MDM2: variants seen among roughly 807,000 people sequenced by gnomAD.
MDM2 encodes E3 ubiquitin-protein ligase Mdm2.
In MDM2, 11 loss-of-function variants were observed where a neutral mutation model predicts 64.3. The observed-to-expected ratio is 0.17, with a 90% CI of 0.11 to 0.28. The LOEUF (loss-of-function observed/expected upper bound fraction) is 0.28, where lower values mean the gene tolerates loss of function less well. MDM2 is among the 10% of genes least tolerant of loss of function. MDM2 has a pLI of 1.00. For synonymous variants in MDM2, 194 were observed against 192.9 expected, an observed-to-expected ratio of 1.01 and a Z score of -0.05; for missense variants, 388 against 577.1, an observed-to-expected ratio of 0.67 and a Z score of 3.36.
intron 7 of MDM2, among the ~76,000 whole-genome samples, chr12:68,825,760 C>G (rs1053077850): frequency 1.3e-5 from 2 of 152,136 alleles, no homozygotes; most frequent in Non-Finnish European, 2.9e-5. Flanking sequence ...TAACTAAGAC[C>G]GTATGATTCA....
chr12:68,836,058 GA>G, intron 9 of MDM2, 74 bp downstream of exon 9: 1 of 1,254,186 alleles, frequency 8.0e-7, no homozygotes. Context: ...CTTTGAGATT[GA>G]AATAATATTA....
chr12:68,819,257 C>T (rs1881650449), intron 4 of MDM2, among the ~76,000 whole-genome samples: 1 of 152,112 alleles, frequency 6.6e-6, no homozygotes, highest in African/African-American at 2.4e-5. Context: ...GTGACAAACA[C>T]TCTCTTAAAT....
chr12:68,813,481 G>A, intron 2 of MDM2, 73 bp from the exon 3 acceptor site: 1 of 974,194 alleles, frequency 1.0e-6, no homozygotes, highest in South Asian at 1.4e-5. Flanking sequence ...GAACTTGATG[G>A]ATATGTTTGC....
chr12:68,821,858 GT>G (rs1211295657), intron 5 of MDM2, among the ~76,000 whole-genome samples: 7 of 151,972 alleles, frequency 4.6e-5, no homozygotes, highest in Non-Finnish European at 8.8e-5. Flanking sequence ...TTACTTGTGG[GT>G]TTTTTTGTTT....
intron 5 of MDM2, among the ~76,000 whole-genome samples, chr12:68,822,482 T>C (rs1047205092): frequency 6.6e-6 from 1 of 152,080 alleles, no homozygotes; most frequent in African/African-American, 2.4e-5. Context: ...TACATATGTA[T>C]ACCTGTTGTT....
chr12:68,826,884 G>A (rs3730591), intron 7 of MDM2, among the ~76,000 whole-genome samples: 13,839 of 151,360 alleles, frequency 0.091, 2,113 homozygotes, highest in African/African-American at 0.32. Flanking sequence ...TCGATAAAAC[G>A]TAAAAATCCC....
Position 68,839,932 on chromosome 12 carries a change from C to G in MDM2, c.*83C>G. On this transcript the variant is annotated 3_prime_UTR_variant, in exon 11 of 11. Coordinates refer to ENST00000258149, the MANE Select transcript of MDM2 (RefSeq NM_002392.6). ...CAACCTGAAATTTATTCACATATAT[C>G]AAAGTGAGAAAATGCCTCAATTCAC... 7.9e-7 allele frequency: 1 copy of G among 1,259,920 alleles called. No homozygotes were observed. Among genetic ancestry groups the G allele is most frequent in the East Asian group, 2.5e-5 (1 of 39,724 alleles). 78.0% of individuals were successfully genotyped at this position (1,259,920 alleles called of 1,614,324 possible).
Position 68,839,873 on chromosome 12 carries a change from T to C in MDM2, c.*24T>C, listed in dbSNP as rs1390352906. 1 of 1,599,800 alleles carries C rather than the reference T, an allele frequency of 6.3e-7. No individual in the cohort carries two copies. The highest frequency in any genetic ancestry group is 1.3e-5 in the African/African-American group (1 of 74,236). ...AGTTGACCTGTCTATAAGAGAATTA[T>C]ATATTTCTAACTATATAACCCTAGG... On this transcript the variant is annotated 3_prime_UTR_variant, in exon 11 of 11. Coordinates refer to ENST00000258149, the MANE Select transcript of MDM2 (RefSeq NM_002392.6).
chr12:68,848,630 A>C (rs983301112), downstream of MDM2: 1 of 152,232 alleles, frequency 6.6e-6, no homozygotes, highest in Non-Finnish European at 1.5e-5. Flanking sequence ...TGCTCCCTAC[A>C]AAAAAGGCCT....
intron 8 of MDM2, among the ~76,000 whole-genome samples, chr12:68,832,923 G>A (rs1240468805): frequency 1.3e-5 from 2 of 150,558 alleles, no homozygotes; most frequent in African/African-American, 4.9e-5. Flanking sequence ...TCAGGAGATC[G>A]AGACCATCCT....
intron 9 of MDM2, 62 bp downstream of exon 9, chr12:68,836,046 G>T: frequency 7.4e-7 from 1 of 1,345,130 alleles, no homozygotes; most frequent in Non-Finnish European, 1.0e-6. Flanking sequence ...TATGTTCATT[G>T]ACTTTGAGAT....
At chr12:68,814,118 T>C (rs1881148155) in intron 3 of MDM2, among the ~76,000 whole-genome samples, 1 of 152,266 alleles carries the variant, frequency 6.6e-6, no homozygotes. Flanking sequence ...AGTGGCACGA[T>C]CTCAGCTCAC....
At chr12:68,826,733 A>AG (rs554163760) in intron 7 of MDM2, among the ~76,000 whole-genome samples, 29 of 152,262 alleles carry the variant, frequency 1.9e-4, no homozygotes, top group African/African-American at 6.7e-4. Context: ...ATCTATCCTA[A>AG]GGATGTAATA....
At chr12:68,836,832 T>G in intron 10 of MDM2, 83 bp downstream of exon 10, 1 of 818,588 alleles carries the variant, frequency 1.2e-6, no homozygotes, top group Non-Finnish European at 2.0e-6. Flanking sequence ...CTTTCTGAAA[T>G]GAACTGATTT....
intron 4 of MDM2, among the ~76,000 whole-genome samples, 198 bp from the exon 5 acceptor site, chr12:68,820,127 G>C (rs1253427407): frequency 6.6e-6 from 1 of 152,170 alleles, no homozygotes; most frequent in Non-Finnish European, 1.5e-5. Context: ...ATTATTAAAA[G>C]TAGCTGTACA....
chr12:68,841,868 C>G lies in MDM2; in HGVS notation c.*2019C>G, dbSNP rs572660729. 2 of 217,428 alleles carry G rather than the reference C, an allele frequency of 9.2e-6. No individual in the cohort carries two copies. The highest frequency in any genetic ancestry group is 2.3e-5 in the African/African-American group (1 of 44,304). The allele number at this position is 217,428 out of a possible 1,614,324, so 13.5% of individuals were successfully genotyped here. ...CAGCATGTGGAATTCCAAGATACCTCTTGACTTCCTCTCAAGCTCCGTGTT... is the reference window on the plus strand; with the variant it reads ...CAGCATGTGGAATTCCAAGATACCTGTTGACTTCCTCTCAAGCTCCGTGTT... On this transcript the variant is annotated 3_prime_UTR_variant, in exon 11 of 11. Coordinates refer to ENST00000258149, the MANE Select transcript of MDM2 (RefSeq NM_002392.6).
chr12:68,814,086 T>C lies in MDM2; in HGVS notation c.174+458T>C, dbSNP rs566411803. 9.8e-5 allele frequency among the ~76,000 whole-genome samples: 15 copies of C among 152,388 alleles called. No homozygotes were observed. In the East Asian group the frequency reaches 2.7e-3, roughly 27 times the overall value. On this transcript the variant is annotated intron_variant, in intron 3 of 10. Transcript: ENST00000258149. ...TTTGTTTTTTGAGACGAAGTCTCGC[T>C]CTGTCACCCAAGCTGGAGTGCAGTG...
chr12:68,824,402 G>A lies in MDM2; in HGVS notation c.398G>A (p.Cys133Tyr), dbSNP rs748317337. ...GGTACATCTGTGAGTGAGAACAGGT[G>A]TCACCTTGAAGGTGGGAGTGATCAA... The part of the protein sequence containing the change: ...DSGTSVSENR[C>Y]HLEGGSDQKD... Residue 133 changes from cysteine to tyrosine, a missense_variant, in exon 6 of 11, where the codon TGT (cysteine) becomes TAT (tyrosine). Physicochemically the swap from Cys to Tyr is radical, Grantham distance 194. This residue lies in a region of MDM2 where 168 missense variants were observed against 236.6 expected (regional missense o/e 0.71). Transcript: ENST00000258149. The A allele has an allele frequency of 1.9e-6, 3 of 1,613,930 alleles. No individual in the cohort carries two copies. The highest frequency in any genetic ancestry group is 2.5e-6 in the Non-Finnish European group (3 of 1,179,938).
At position 68,843,361 on chromosome 12, in the gene MDM2, AATG is replaced by A. The variant is rs1003700415; in HGVS notation, c.*3515_*3517del. On this transcript the variant is annotated 3_prime_UTR_variant, in exon 11 of 11. Coordinates refer to ENST00000258149, the MANE Select transcript of MDM2 (RefSeq NM_002392.6). ...GTATTGAATGTTCTTGCTACAAATA[AATG>A]ATATTTGAGCTGATGGGTGTGCTAA... The A allele has an allele frequency of 4.3e-6, 1 of 231,206 alleles. No individual in the cohort carries two copies. Among genetic ancestry groups the A allele is most frequent in the African/African-American group, 2.2e-5 (1 of 45,304 alleles). 14.3% of individuals were successfully genotyped at this position (231,206 alleles called of 1,614,324 possible).
Sources: allele counts gnomAD v4.1 joint callset (sites outside exome capture counted in the v4.1 genomes callset), GRCh38; gene constraint gnomAD v4.1.1; regional missense constraint gnomAD v4.1.1; transcripts MANE v1.5; gene names NCBI Gene and HGNC (gene_info 2026-07-23, HGNC 2026-07-21).